Variants in RRP15 observed in about 807,000 individuals in gnomAD.
RRP15 encodes RRP15-like protein.
A neutral mutation model predicts 27.1 loss-of-function variants in RRP15; 18 were observed. The observed-to-expected ratio is 0.66, with a 90% CI of 0.46 to 0.98. The LOEUF (loss-of-function observed/expected upper bound fraction) is 0.98. RRP15 is among the 50% of genes least tolerant of loss of function. The pLI is 0.00. For missense variants in RRP15, 359 were observed against 337.8 expected, an observed-to-expected ratio of 1.06 and a Z score of -0.49; for synonymous variants, 107 against 109.4, an observed-to-expected ratio of 0.98 and a Z score of 0.14.
intron 4 of RRP15, among the ~76,000 whole-genome samples, chr1:218,313,427 T>G (rs777947061): frequency 1.8e-4 from 28 of 152,266 alleles, no homozygotes; most frequent in Admixed American, 3.9e-4. Context: ...TATTAATAAC[T>G]CAGAGGTTTA....
intron 4 of RRP15, among the ~76,000 whole-genome samples, chr1:218,309,608 G>A (rs1019202113): frequency 2.7e-5 from 4 of 150,610 alleles, no homozygotes; most frequent in South Asian, 2.1e-4. Context: ...TCTTGAACCC[G>A]GGAGGCAGAG....
At chr1:218,300,427 A>AT (rs1259148919) in intron 1 of RRP15, among the ~76,000 whole-genome samples, 2 of 152,088 alleles carry the variant, frequency 1.3e-5, no homozygotes, top group African/African-American at 4.8e-5. Context: ...GTTTTACATC[A>AT]TTTTTTGTTT....
intron 4 of RRP15, among the ~76,000 whole-genome samples, chr1:218,328,555 C>T (rs1414321258): frequency 6.6e-6 from 1 of 151,688 alleles, no homozygotes; most frequent in African/African-American, 2.4e-5. Flanking sequence ...CCCAGCTACT[C>T]GGGAGGCTGA....
rs2796816 is a variant in RRP15 at position 218,331,795 on chromosome 1, C to T, written c.*704C>T. 1 of 149,362 alleles carries T rather than the reference C, an allele frequency of 6.7e-6. No individual in the cohort carries two copies. The highest frequency in any genetic ancestry group is 1.5e-5 in the Non-Finnish European group (1 of 67,648). 9.3% of individuals were successfully genotyped at this position (149,362 alleles called of 1,614,324 possible). ...TCACGCCATTCTCCCACCTCAACCT[C>T]TCAAGTAGCTGGGACTACAGGTGCC... On this transcript the variant is annotated 3_prime_UTR_variant, in exon 5 of 5. Coordinates refer to ENST00000366932, the MANE Select transcript of RRP15 (RefSeq NM_016052.4).
intron 4 of RRP15, among the ~76,000 whole-genome samples, chr1:218,324,417 G>C (rs1373116916): frequency 2.0e-5 from 3 of 152,206 alleles, no homozygotes; most frequent in African/African-American, 7.2e-5. Context: ...AGTGGGTCCT[G>C]CCTGCCTGTG....
chr1:218,289,759 C>T (rs116783096), intron 1 of RRP15, among the ~76,000 whole-genome samples: 4,472 of 152,226 alleles, frequency 0.029, 87 homozygotes, highest in East Asian at 0.073. Flanking sequence ...CTCAGGTCAC[C>T]CCAACCTCCA....
rs1224284488 is a variant in RRP15, at chr1:218,332,607, T to C, written c.*1516T>C. On this transcript the variant is annotated 3_prime_UTR_variant, in exon 5 of 5. Coordinates refer to ENST00000366932, the MANE Select transcript of RRP15 (RefSeq NM_016052.4). ...TTTGAAACCCATTTGAGTGTTACAG[T>C]ATTATATGACTAAAGCTGAATCAGT... 6.6e-6 allele frequency: 1 copy of C among 152,168 alleles called. No individual in the cohort carries two copies. The highest frequency in any genetic ancestry group is 6.6e-5 in the Admixed American group (1 of 15,266). The allele number at this position is 152,168 out of a possible 1,614,324, so 9.4% of individuals were successfully genotyped here. A position where few individuals can be genotyped will look rare whatever the true frequency, so the allele number is the denominator to read the frequency against.
chr1:218,316,824 A>C (rs1462935638), intron 4 of RRP15, among the ~76,000 whole-genome samples: 1 of 152,240 alleles, frequency 6.6e-6, no homozygotes, highest in African/African-American at 2.4e-5. Context: ...GTTGGAAACC[A>C]ATTTGAAGGG....
chr1:218,296,643 CAAA>C (rs200927255), intron 1 of RRP15, among the ~76,000 whole-genome samples: 4 of 102,182 alleles, frequency 3.9e-5, no homozygotes, highest in African/African-American at 3.5e-5. Flanking sequence ...GACCTTGTCT[CAAA>C]AAAAAAAAAA....
At chr1:218,299,468 T>C (rs2102496345) in intron 1 of RRP15, among the ~76,000 whole-genome samples, 1 of 152,286 alleles carries the variant, frequency 6.6e-6, no homozygotes, top group Non-Finnish European at 1.5e-5. Flanking sequence ...AAGTGGAGAA[T>C]TGGTGTGGGT....
intron 4 of RRP15, among the ~76,000 whole-genome samples, chr1:218,327,692 A>C (rs187682742): frequency 1.8e-3 from 275 of 152,266 alleles, no homozygotes; most frequent in Non-Finnish European, 2.9e-3. Context: ...TGTTTTTATA[A>C]ATTTTCTATT....
rs1656124636 is a variant in RRP15 at position 218,318,506 on chromosome 1, TTGTC to T, written c.705+10877_705+10880del. 2.6e-5 allele frequency among the ~76,000 whole-genome samples: 4 copies of T among 152,190 alleles called. No individual in the cohort carries two copies. In the South Asian group the frequency reaches 8.3e-4, roughly 31 times the overall value. The stretch of plus-strand genomic sequence containing the variant: ...GAATAATGAATCCAGGTTTATGAAT[TTGTC>T]TGATTACTTCATTATGGTGTCATTT... On this transcript the variant is annotated intron_variant, in intron 4 of 4. Coordinates refer to ENST00000366932, the MANE Select transcript of RRP15 (RefSeq NM_016052.4).
At chr1:218,298,580 A>G (rs1289687013) in intron 1 of RRP15, among the ~76,000 whole-genome samples, 1 of 152,156 alleles carries the variant, frequency 6.6e-6, no homozygotes, top group Non-Finnish European at 1.5e-5. Flanking sequence ...GGGTCAGGGA[A>G]CAGATGGCAA....
chr1:218,309,812 G>C (rs1360864313), intron 4 of RRP15, among the ~76,000 whole-genome samples: 1 of 150,838 alleles, frequency 6.6e-6, no homozygotes, highest in East Asian at 2.0e-4. Context: ...AAGTAAGCAA[G>C]ATTAACTTGA....
intron 4 of RRP15, among the ~76,000 whole-genome samples, chr1:218,327,492 C>T (rs532247954): frequency 2.0e-4 from 30 of 152,010 alleles, no homozygotes; most frequent in African/African-American, 6.3e-4. Context: ...TTAATAGAAG[C>T]GGGGTTTCAC....
At chr1:218,298,041 T>C (rs10863387) in intron 1 of RRP15, among the ~76,000 whole-genome samples, 73,019 of 151,888 alleles carry the variant, frequency 0.48, 18,632 homozygotes, top group African/African-American at 0.67. Flanking sequence ...TTAACATTCC[T>C]ATCCCTTTGG....
rs115123166 is a variant in RRP15, at chr1:218,330,932, C to T, written c.706-16C>T. On this transcript the variant is annotated splice_polypyrimidine_tract_variant and intron_variant, in intron 4 of 4. Coordinates refer to ENST00000366932, the MANE Select transcript of RRP15 (RefSeq NM_016052.4). ...GAATTGACTTTTGAATATTTTGATT[C>T]TATAATTTTCCTTAGACTGAAGTGA... 6.1e-4 allele frequency: 971 copies of T among 1,604,114 alleles called. 7 individuals are homozygous for T. The African/African-American group carries it at 0.012, about 19-fold the overall frequency.
chr1:218,319,983 T>C (rs1656160328), intron 4 of RRP15, among the ~76,000 whole-genome samples: 1 of 151,594 alleles, frequency 6.6e-6, no homozygotes, highest in South Asian at 2.1e-4. Context: ...AAAGGCTCCC[T>C]GAAGTGTTAC....
At chr1:218,307,676 C>G (rs1404099444) in intron 4 of RRP15, 44 bp downstream of exon 4, 2 of 1,298,930 alleles carry the variant, frequency 1.5e-6, no homozygotes, top group East Asian at 4.7e-5. Context: ...ACTTTCAGCT[C>G]TAAAACTAGT....
Sources: allele counts gnomAD v4.1 joint callset (sites outside exome capture counted in the v4.1 genomes callset), GRCh38; gene constraint gnomAD v4.1.1; transcripts MANE v1.5; gene names NCBI Gene and HGNC (gene_info 2026-07-23, HGNC 2026-07-21).